Variants in CCSER1 observed in about 807,000 individuals in gnomAD.
CCSER1 encodes serine-rich coiled-coil domain-containing protein 1.
Under a neutral mutation model 82.0 loss-of-function variants are expected in CCSER1, and 41 were observed. That is an observed-to-expected ratio of 0.50 (90% CI 0.39 to 0.65). The LOEUF (loss-of-function observed/expected upper bound fraction) is 0.65. CCSER1 is among the 30% of genes least tolerant of loss of function. The pLI, the probability that CCSER1 is intolerant of heterozygous loss-of-function variation, is 0.00. For missense variants in CCSER1, 1,119 were observed against 1,064.2 expected (o/e 1.05, Z -0.72); for synonymous variants, 414 against 383.9 (o/e 1.08, Z -0.92).
chr4:90,275,786 A>G (rs1350615086), intron 1 of CCSER1, among the ~76,000 whole-genome samples: 1 of 152,192 alleles, frequency 6.6e-6, no homozygotes, highest in Non-Finnish European at 1.5e-5. Context: ...TCAAAATTAT[A>G]AGTAACATCA....
intron 1 of CCSER1, among the ~76,000 whole-genome samples, chr4:90,186,010 T>C (rs1212719941): frequency 6.6e-6 from 1 of 152,022 alleles, no homozygotes; most frequent in Non-Finnish European, 1.5e-5. Context: ...ATTTTCATGT[T>C]GAGTTACAAA....
At chr4:91,155,198 C>G (rs766185307) in intron 10 of CCSER1, among the ~76,000 whole-genome samples, 3 of 151,896 alleles carry the variant, frequency 2.0e-5, no homozygotes, top group Non-Finnish European at 4.4e-5. Flanking sequence ...ATAATCCCCA[C>G]GTTTCATGGG....
intron 3 of CCSER1, among the ~76,000 whole-genome samples, chr4:90,349,459 C>G (rs1218114812): frequency 6.6e-6 from 1 of 151,992 alleles, no homozygotes; most frequent in African/African-American, 2.4e-5. Context: ...CTAGAATTTA[C>G]TTTTCTATCT....
intron 9 of CCSER1, among the ~76,000 whole-genome samples, chr4:90,957,585 A>T (rs1414503091): frequency 7.6e-6 from 1 of 132,062 alleles, no homozygotes; most frequent in Non-Finnish European, 1.6e-5. Flanking sequence ...TATATAATAT[A>T]TTATTATTTA....
intron 8 of CCSER1, among the ~76,000 whole-genome samples, chr4:90,842,662 G>A (rs1762724646): frequency 6.6e-6 from 1 of 152,126 alleles, no homozygotes; most frequent in South Asian, 2.1e-4. Flanking sequence ...AGTAAGAAAT[G>A]GGCTTAATGT....
intron 9 of CCSER1, among the ~76,000 whole-genome samples, chr4:91,079,091 C>A (rs1581495776): frequency 6.6e-6 from 1 of 152,152 alleles, no homozygotes; most frequent in Non-Finnish European, 1.5e-5. Context: ...CACAAAGATA[C>A]TCCTCGAGAA....
At chr4:90,170,071 TA>T (rs1459320927) in intron 1 of CCSER1, among the ~76,000 whole-genome samples, 4 of 151,972 alleles carry the variant, frequency 2.6e-5, no homozygotes, top group Admixed American at 1.3e-4. Flanking sequence ...TTGGTTTCTC[TA>T]AAAGTTTCCA....
At chr4:90,273,367 A>T (rs1726948116) in intron 1 of CCSER1, among the ~76,000 whole-genome samples, 1 of 152,176 alleles carries the variant, frequency 6.6e-6, no homozygotes, top group African/African-American at 2.4e-5. Flanking sequence ...GAAAGAATAT[A>T]ATTGTTTGTA....
rs77139032 is a variant in CCSER1 at position 90,520,730 on chromosome 4, G to T, written c.1724+52376G>T. On this transcript the variant is annotated intron_variant, in intron 5 of 10. Coordinates refer to ENST00000509176, the MANE Select transcript of CCSER1 (RefSeq NM_001145065.2). ...CTATGTCTTAAAAAAACAATTGTGCGCAAAGGAAGGAAGAAACATGTGATG... is the reference window on the plus strand; with the variant it reads ...CTATGTCTTAAAAAAACAATTGTGCTCAAAGGAAGGAAGAAACATGTGATG... Among the ~76,000 whole-genome samples, 1,157 of 152,170 alleles carry T rather than the reference G, an allele frequency of 7.6e-3. 5 individuals carry two copies. Among genetic ancestry groups the T allele is most frequent in the African/African-American group, 0.019 (781 of 41,494 alleles).
At chr4:90,788,674 A>G (rs114538728) in intron 7 of CCSER1, among the ~76,000 whole-genome samples, 117 of 152,274 alleles carry the variant, frequency 7.7e-4, no homozygotes, top group African/African-American at 2.7e-3. Flanking sequence ...TTATTTCCAA[A>G]TAATATATCC....
chr4:91,189,836 T>C (rs1354175430), intron 10 of CCSER1, among the ~76,000 whole-genome samples: 1 of 152,214 alleles, frequency 6.6e-6, no homozygotes, highest in Non-Finnish European at 1.5e-5. Context: ...TTTTGAATAA[T>C]AATTTAACAT....
At chr4:91,289,898 A>G (rs530448595) in intron 10 of CCSER1, among the ~76,000 whole-genome samples, 2 of 152,152 alleles carry the variant, frequency 1.3e-5, no homozygotes, top group Admixed American at 1.3e-4. Context: ...AACAATAACA[A>G]CAACAAAACA....
intron 7 of CCSER1, among the ~76,000 whole-genome samples, chr4:90,785,371 T>C (rs1412617893): frequency 6.6e-6 from 1 of 152,194 alleles, no homozygotes; most frequent in Non-Finnish European, 1.5e-5. Flanking sequence ...TGTAGTTTTC[T>C]TGTTATTATG....
chr4:91,568,365 T>C (rs1334434706), intron 10 of CCSER1, among the ~76,000 whole-genome samples: 2 of 152,142 alleles, frequency 1.3e-5, no homozygotes, highest in Non-Finnish European at 2.9e-5. Context: ...AGAGATTCTC[T>C]GTATTTCCTG....
intron 5 of CCSER1, among the ~76,000 whole-genome samples, chr4:90,625,757 T>G (rs1723143884): frequency 1.3e-5 from 2 of 152,228 alleles, no homozygotes; most frequent in Admixed American, 1.3e-4. Flanking sequence ...TGCCATCATC[T>G]TTTCCTTTTG....
rs1740821078 is a variant in CCSER1, at chr4:90,712,507, T to C, written c.1933-11407T>C. Among the ~76,000 whole-genome samples the C allele has an allele frequency of 2.6e-5, 4 of 151,780 alleles. 1 individual carries two copies. The Admixed American group carries it at 2.6e-4, about 10-fold the overall frequency. On this transcript the variant is annotated intron_variant, in intron 6 of 10. Coordinates refer to ENST00000509176, the MANE Select transcript of CCSER1 (RefSeq NM_001145065.2). The stretch of plus-strand genomic sequence containing the variant: ...GTTTGGGCTGTGGTTCAATAGTTTT[T>C]TTATGATTTAAAATCTTTTGCATTT...
intron 10 of CCSER1, among the ~76,000 whole-genome samples, chr4:91,483,302 T>A (rs1227488113): frequency 6.6e-6 from 1 of 152,178 alleles, no homozygotes; most frequent in Non-Finnish European, 1.5e-5. Context: ...TCTAGCAATG[T>A]AATGGTCTGA....
At chr4:91,246,157 T>G (rs1465160788) in intron 10 of CCSER1, among the ~76,000 whole-genome samples, 1 of 152,052 alleles carries the variant, frequency 6.6e-6, no homozygotes, top group Non-Finnish European at 1.5e-5. Flanking sequence ...ACAACAACAT[T>G]TCAAGACATA....
intron 9 of CCSER1, among the ~76,000 whole-genome samples, chr4:91,011,711 CAG>C (rs1739018187): frequency 7.5e-6 from 1 of 134,086 alleles, no homozygotes; most frequent in African/African-American, 2.5e-5. Flanking sequence ...ATTTGTGTAC[CAG>C]AGCCAATAGG....
Sources: gnomAD v4.1 joint callset for allele counts (sites outside exome capture counted in the v4.1 genomes callset) on GRCh38, gnomAD v4.1.1 for gene constraint, MANE v1.5 for transcripts, NCBI Gene and HGNC (gene_info 2026-07-23, HGNC 2026-07-21) for gene names.